The following AOPEP variants were observed in gnomAD, a reference collection of about 807,000 sequenced individuals.
AOPEP encodes the protein aminopeptidase O.
In AOPEP, 77 loss-of-function variants were observed where a neutral mutation model predicts 98.1. The observed-to-expected ratio is 0.78, with a 90% CI of 0.65 to 0.95. The LOEUF (loss-of-function observed/expected upper bound fraction) is 0.95. Among genes scored for constraint, AOPEP ranks in the 40% least tolerant of loss-of-function variants. The pLI is 0.00. For missense variants in AOPEP, 1,024 were observed against 1,024.7 expected (o/e 1.00, Z 0.01); for synonymous variants, 346 against 365.3 (o/e 0.95, Z 0.60).
intron 14 of AOPEP, among the ~76,000 whole-genome samples, chr9:95,069,421 A>T (rs1280839785): frequency 6.6e-6 from 1 of 152,060 alleles, no homozygotes; most frequent in Non-Finnish European, 1.5e-5. Context: ...GGTAGGGTGT[A>T]TTATTTTCTA....
chr9:94,979,351 T>C lies in AOPEP; in HGVS notation c.1917-16T>C. The C allele has an allele frequency of 6.3e-7, 1 of 1,576,130 alleles. No homozygotes were observed. The highest frequency in any genetic ancestry group is 1.1e-5 in the South Asian group (1 of 87,908). ...AACTTTTTAATCCTTTACTTTTTGT[T>C]GTTTTATTTCTAAAGGCTTGAGCTG... On this transcript the variant is annotated splice_polypyrimidine_tract_variant and intron_variant, in intron 10 of 16. Coordinates refer to ENST00000375315, the MANE Select transcript of AOPEP (RefSeq NM_001193329.3).
chr9:94,876,368 CTT>C (rs566693216), intron 5 of AOPEP, among the ~76,000 whole-genome samples: 28 of 140,512 alleles, frequency 2.0e-4, no homozygotes, highest in Admixed American at 2.8e-4. Context: ...CTTTTCTTTT[CTT>C]TTTTTTTTTT....
chr9:95,111,494 C>T, the AOPEP span: 13 of 1,613,744 alleles, frequency 8.1e-6, no homozygotes, highest in South Asian at 3.3e-5. Context: ...CCTCCCATCA[C>T]GGGGGCCGTA....
intron 5 of AOPEP, among the ~76,000 whole-genome samples, chr9:94,916,476 G>A (rs1041765376): frequency 6.6e-5 from 10 of 152,034 alleles, no homozygotes; most frequent in East Asian, 5.8e-4. Context: ...AGGCCGAGGC[G>A]GGCAGACCAT....
chr9:94,731,633 G>T (rs1346693030), intron 1 of AOPEP, among the ~76,000 whole-genome samples: 1 of 151,796 alleles, frequency 6.6e-6, no homozygotes, highest in African/African-American at 2.4e-5. Context: ...TGGTTTCTGT[G>T]CTATGTGATA....
chr9:94,773,876 C>T (rs1841452119), intron 3 of AOPEP, among the ~76,000 whole-genome samples: 1 of 152,074 alleles, frequency 6.6e-6, no homozygotes, highest in South Asian at 2.1e-4. Flanking sequence ...ATTGATCCTC[C>T]CACCTCATCC....
In AOPEP at chr9:94,820,102, C is replaced by T. The variant is rs375240791; in HGVS notation, c.1364+19100C>T. On this transcript the variant is annotated intron_variant, in intron 5 of 16. Transcript: ENST00000375315. ...CTGGGATTACAGGTGCCCACCACCACGCCCAGCTGATTTTTGTATTTCTAG... is the reference window on the plus strand; with the variant it reads ...CTGGGATTACAGGTGCCCACCACCATGCCCAGCTGATTTTTGTATTTCTAG... Among the ~76,000 whole-genome samples, 121 of 152,074 alleles carry T rather than the reference C, an allele frequency of 8.0e-4. 1 individual carries two copies. In the South Asian group the frequency reaches 0.024, roughly 30 times the overall value.
At chr9:94,902,762 CTT>C (rs879443826) in intron 5 of AOPEP, among the ~76,000 whole-genome samples, 3 of 143,552 alleles carry the variant, frequency 2.1e-5, no homozygotes, top group Admixed American at 7.0e-5. Flanking sequence ...TTTTTAAAAT[CTT>C]TTTTTTTTTT....
rs1838027577 is a variant in AOPEP, at chr9:94,760,598, T to C, written c.797+18T>C. ...AGTGGCAGGTAGGTTATCCAAGCAC[T>C]TCAAAGCCCTGTGCCTGTTAATCTT... On this transcript the variant is annotated intron_variant, in intron 2 of 16. Transcript: ENST00000375315. The C allele has an allele frequency of 6.6e-7, 1 of 1,523,682 alleles. No individual in the cohort carries two copies. The highest frequency in any genetic ancestry group is 8.8e-7 in the Non-Finnish European group (1 of 1,138,252). 94.4% of individuals were successfully genotyped at this position (1,523,682 alleles called of 1,614,324 possible). A position where few individuals can be genotyped will look rare whatever the true frequency, so the allele number is the denominator to read the frequency against.
intron 1 of AOPEP, among the ~76,000 whole-genome samples, chr9:94,756,756 C>G (rs188183426): frequency 3.9e-5 from 6 of 152,070 alleles, no homozygotes. Flanking sequence ...CTGCTCATCT[C>G]CTCCCTTTTG....
At chr9:95,021,451 G>A (rs1230919631) in intron 13 of AOPEP, among the ~76,000 whole-genome samples, 3 of 152,202 alleles carry the variant, frequency 2.0e-5, no homozygotes, top group Non-Finnish European at 4.4e-5. Context: ...TGGCATCCTT[G>A]AGTCTTTATT....
chr9:95,072,860 A>C (rs1351549747), intron 14 of AOPEP, among the ~76,000 whole-genome samples: 1 of 152,180 alleles, frequency 6.6e-6, no homozygotes, highest in Non-Finnish European at 1.5e-5. Context: ...CCATTTTTCT[A>C]GCATTGCAGG....
chr9:94,736,162 G>T (rs1331756318), intron 1 of AOPEP, among the ~76,000 whole-genome samples: 3 of 152,110 alleles, frequency 2.0e-5, no homozygotes, highest in Non-Finnish European at 2.9e-5. Context: ...GGATAATTCT[G>T]TAGAGTGTCT....
chr9:94,803,274 G>T (rs774703319), intron 5 of AOPEP, among the ~76,000 whole-genome samples: 1 of 152,100 alleles, frequency 6.6e-6, no homozygotes, highest in African/African-American at 2.4e-5. Flanking sequence ...ATGCAAGATC[G>T]TAAATTCCAT....
chr9:94,759,938 G>A lies in AOPEP; in HGVS notation c.155G>A (p.Arg52Lys). 6.2e-7 allele frequency: 1 copy of A among 1,614,144 alleles called. No homozygotes were observed. Among genetic ancestry groups the A allele is most frequent in the South Asian group, 1.1e-5 (1 of 91,082 alleles). The change falls in exon 2 of 17, where the codon AGA (arginine) becomes AAA (lysine). Residue 52 changes from arginine to lysine, a missense_variant. By Grantham distance (26) the Arg-to-Lys change is conservative. This residue lies in a region of AOPEP where 440 missense variants were observed against 433.8 expected (regional missense o/e 1.01). Coordinates refer to ENST00000375315, the MANE Select transcript of AOPEP (RefSeq NM_001193329.3). ...GTGCTTTTCCTCGAGGATGGAAACA[G>A]ATTCAAGAAACAGAATAGCTCTATT... ...TIVLFLEDGN[R>K]FKKQNSSIEE...
chr9:95,070,199 G>A (rs935689364), intron 14 of AOPEP, among the ~76,000 whole-genome samples: 3 of 152,212 alleles, frequency 2.0e-5, no homozygotes, highest in African/African-American at 7.2e-5. Flanking sequence ...TGGCTACTCT[G>A]CAGAGGCCCC....
chr9:94,812,793 A>C (rs1433094934), intron 5 of AOPEP, among the ~76,000 whole-genome samples: 1 of 152,166 alleles, frequency 6.6e-6, no homozygotes, highest in Non-Finnish European at 1.5e-5. Context: ...AATAATTTAC[A>C]AAGGGACACT....
At chr9:95,075,015 C>G (rs1300684956) in intron 14 of AOPEP, among the ~76,000 whole-genome samples, 1 of 152,216 alleles carries the variant, frequency 6.6e-6, no homozygotes, top group Non-Finnish European at 1.5e-5. Context: ...GTTCTCACTT[C>G]TCCGTGCCCT....
At chr9:94,748,282 A>G (rs888234468) in intron 1 of AOPEP, among the ~76,000 whole-genome samples, 1 of 152,108 alleles carries the variant, frequency 6.6e-6, no homozygotes, top group Non-Finnish European at 1.5e-5. Flanking sequence ...GTCATTTTGT[A>G]ATGGCTACTT....
Sources: allele counts gnomAD v4.1 joint callset (sites outside exome capture counted in the v4.1 genomes callset), GRCh38; gene constraint gnomAD v4.1.1; regional missense constraint gnomAD v4.1.1; transcripts MANE v1.5; gene names NCBI Gene and HGNC (gene_info 2026-07-23, HGNC 2026-07-21).